The following SETX variants were observed in gnomAD, a reference collection of about 807,000 sequenced individuals.
SETX encodes the protein helicase senataxin.
In SETX, 90 loss-of-function variants were observed where a neutral mutation model predicts 227.2. The ratio of observed to expected loss-of-function variants is 0.40; its 90% CI spans 0.33 to 0.47. The LOEUF is 0.47. SETX is among the 20% of genes least tolerant of loss of function. SETX has a pLI of 0.91. For synonymous variants in SETX, 1,210 were observed against 1,113.2 expected (o/e 1.09, Z -1.73); for missense variants, 3,052 against 3,181.5 (o/e 0.96, Z 0.98).
rs2131444581 is a variant in SETX, at chr9:132,328,360, A to G, written c.3238T>C (p.Cys1080Arg). 1 of 1,614,024 alleles carries G rather than the reference A, an allele frequency of 6.2e-7. No individual in the cohort carries two copies. Among genetic ancestry groups the G allele is most frequent in the South Asian group, 1.1e-5 (1 of 91,080 alleles). ...LFQFEESDSQ[C>R]FEFESSSEVF... ...TCAGATGAACTTTCAAACTCAAAAC[A>G]CTGAGAATCAGATTCCTCAAACTGA... The change falls in exon 10 of 26, where the codon TGT (cysteine) becomes CGT (arginine). Residue 1080 changes from cysteine (C) to arginine (R), a missense_variant. Transcript: ENST00000224140.
chr9:132,264,076 T>C lies in SETX; in HGVS notation c.*163A>G, dbSNP rs1355651352. On this transcript the variant is annotated 3_prime_UTR_variant, in exon 26 of 26. Coordinates refer to ENST00000224140, the MANE Select transcript of SETX (RefSeq NM_015046.7). ...GAAAGCTTTTGCAAATGACAGAAAA[T>C]ACTGAAGATGACCAGAGGCTCAGGT... 1.4e-5 allele frequency: 13 copies of C among 925,786 alleles called. No individual in the cohort carries two copies. Among genetic ancestry groups the C allele is most frequent in the South Asian group, 1.1e-4 (7 of 64,612 alleles). The allele number at this position is 925,786 out of a possible 1,614,324, so 57.3% of individuals were successfully genotyped here.
chr9:132,307,528 A>C (rs1845404150), intron 11 of SETX, among the ~76,000 whole-genome samples: 1 of 152,148 alleles, frequency 6.6e-6, no homozygotes, highest in Admixed American at 6.5e-5. Context: ...AAAACAATAT[A>C]TATGATGAAC....
Position 132,329,689 on chromosome 9 carries a change from A to G in SETX, c.1909T>C (p.Cys637Arg), listed in dbSNP as rs752778541. Residue 637 changes from cysteine to arginine, a missense_variant, in exon 10 of 26, where the codon TGT (cysteine) becomes CGT (arginine). Around this residue, in one of 10 missense-constraint regions of SETX, gnomAD observed 1,483 missense variants for 1,312.0 expected, o/e 1.13. Transcript: ENST00000224140. ...AATGTTGGGCTGGAAGCTTCCAAAC[A>G]ATGCATATCTTTTCTAGACGTCTTC... ...MGKTSRKDMH[C>R]LEASSPTFSK... 1.2e-5 allele frequency: 19 copies of G among 1,613,910 alleles called. No homozygotes were observed. Among genetic ancestry groups the G allele is most frequent in the Non-Finnish European group, 1.5e-5 (18 of 1,179,998 alleles).
Position 132,288,301 on chromosome 9 carries a change from G to T in SETX, c.6259C>A (p.Leu2087Ile), listed in dbSNP as rs1037907335. 3 of 1,614,198 alleles carry T rather than the reference G, an allele frequency of 1.9e-6. No homozygotes were observed. The highest frequency in any genetic ancestry group is 2.5e-6 in the Non-Finnish European group (3 of 1,180,040). ...VQAMHKRKEF[L>I]DYQLDELSRQ... ...GAAAGCTCATCCAGCTGATAATCTA[G>T]AAATTCCTTTCTTTTATGCATCGCC... is the stretch of plus-strand genomic sequence containing the variant. The change falls in exon 17 of 26, where the codon CTA becomes ATA. Residue 2087 changes from leucine to isoleucine, a missense_variant. Transcript: ENST00000224140.
intron 6 of SETX, among the ~76,000 whole-genome samples, chr9:132,335,185 T>C (rs192494603): frequency 7.3e-5 from 11 of 151,650 alleles, no homozygotes; most frequent in Admixed American, 1.3e-4. Flanking sequence ...AGTCAGGAGA[T>C]CGAGACCATC....
intron 9 of SETX, among the ~76,000 whole-genome samples, chr9:132,330,815 C>G (rs941139382): frequency 1.3e-5 from 2 of 152,162 alleles, no homozygotes; most frequent in Non-Finnish European, 2.9e-5. Context: ...TCCCCATAAA[C>G]TTTCCATCTT....
At chr9:132,343,800 T>C (rs952174227) in intron 4 of SETX, among the ~76,000 whole-genome samples, 1 of 152,224 alleles carries the variant, frequency 6.6e-6, no homozygotes, top group Non-Finnish European at 1.5e-5. Flanking sequence ...TACGGATAGA[T>C]TATTCTTTAA....
rs369163575 is a variant in SETX at position 132,266,452 on chromosome 9, TAAGAC to T, written c.7288-1472_7288-1468del. Among the ~76,000 whole-genome samples, 10 of 152,294 alleles carry T rather than the reference TAAGAC, an allele frequency of 6.6e-5. No homozygotes were observed. In the East Asian group the frequency reaches 1.5e-3, roughly 23 times the overall value. ...AAAACCTTCTACAGACATTTTCTGA[TAAGAC>T]AAGATAACACCAGCATTAAAACTTA... On this transcript the variant is annotated intron_variant, in intron 25 of 25. Transcript: ENST00000224140.
rs1211044290 is a variant in SETX at position 132,264,629 on chromosome 9, C to A, written c.7644G>T (p.Glu2548Asp). Residue 2548 changes from glutamate to aspartate, a missense_variant, in exon 26 of 26, where the codon GAG becomes GAT. Around this residue, in one of 10 missense-constraint regions of SETX, gnomAD observed 294 missense variants for 278.8 expected, o/e 1.05. Coordinates refer to ENST00000224140, the MANE Select transcript of SETX (RefSeq NM_015046.7). Reference protein sequence around the residue: ...DPRLLKRMGIEVKGGIFLWDP... With the variant: ...DPRLLKRMGIDVKGGIFLWDP... ...CCCAAAGGAATATTCCTCCTTTGAC[C>A]TCAATGCCCATCCTCTTCAGCAGTC... is the stretch of plus-strand genomic sequence containing the variant. 6 of 1,614,122 alleles carry A rather than the reference C, an allele frequency of 3.7e-6. No individual in the cohort carries two copies.
At position 132,333,392 on chromosome 9, in the gene SETX, AAAAAAG is replaced by A. The variant is rs200100443; in HGVS notation, c.838+1210_838+1215del. 2.3e-3 allele frequency among the ~76,000 whole-genome samples: 118 copies of A among 52,260 alleles called. 4 individuals carry two copies. Among genetic ancestry groups the A allele is most frequent in the African/African-American group, 4.8e-3 (46 of 9,556 alleles). The allele number at this position is 52,260 out of a possible 152,430, so 34.3% of individuals were successfully genotyped here. ...GACTTGGTCTCAAAAAGAAAAAAAA[AAAAAAG>A]AAAAAAAAAAATATATATACACACA... On this transcript the variant is annotated intron_variant, in intron 7 of 25. Transcript: ENST00000224140.
rs200657740 is a variant in SETX, at chr9:132,301,088, C to CT, written c.5375-286dup. ...TTTTCTTTCCTTTAGGTTTATTCTG[C>CT]TTTTTTTTTTTTTTTTTTTTTTGAG... On this transcript the variant is annotated intron_variant, in intron 11 of 25. Coordinates refer to ENST00000224140, the MANE Select transcript of SETX (RefSeq NM_015046.7). Among the ~76,000 whole-genome samples the CT allele has an allele frequency of 0.019, 2,393 of 123,880 alleles. 62 individuals carry two copies. The highest frequency in any genetic ancestry group is 0.03 in the Non-Finnish European group (1,660 of 55,812). The allele number at this position is 123,880 out of a possible 152,430, so 81.3% of individuals were successfully genotyped here. A position where few individuals can be genotyped will look rare whatever the true frequency, so the allele number is the denominator to read the frequency against.
chr9:132,280,778 A>C (rs1402438908), intron 20 of SETX, among the ~76,000 whole-genome samples: 1 of 152,176 alleles, frequency 6.6e-6, no homozygotes, highest in Non-Finnish European at 1.5e-5. Flanking sequence ...GATTACTTCA[A>C]AACATCTACT....
In SETX at chr9:132,326,927, G is replaced by A. The variant is rs1846827030; in HGVS notation, c.4671C>T (p.Thr1557=). The change falls in exon 10 of 26, where the codon ACC becomes ACT. Residue 1557 remains threonine, a synonymous_variant. Transcript: ENST00000224140. The part of the protein sequence containing the change: ...TKCKYKDCLE[T]TKNQGEYCPK... ...GGCAGTATTCACCCTGGTTTTTTGT[G>A]GTTTCAAGACAATCTTTGTACTTAC... 1 of 1,614,096 alleles carries A rather than the reference G, an allele frequency of 6.2e-7. No individual in the cohort carries two copies. The highest frequency in any genetic ancestry group is 8.5e-7 in the Non-Finnish European group (1 of 1,180,012).
chr9:132,338,717 A>C (rs1690225264), intron 5 of SETX, among the ~76,000 whole-genome samples: 1 of 152,140 alleles, frequency 6.6e-6, no homozygotes, highest in African/African-American at 2.4e-5. Context: ...TCAGATCTTC[A>C]TCCATATTTT....
At chr9:132,300,487 ACT>A (rs994223283) in intron 12 of SETX, 141 bp downstream of exon 12, 15 of 814,262 alleles carry the variant, frequency 1.8e-5, no homozygotes, top group African/African-American at 1.4e-4. Context: ...TAGAAAAGAG[ACT>A]CTGAATGGCC....
At chr9:132,354,603 G>C (rs1589801990) in intron 1 of SETX, among the ~76,000 whole-genome samples, 1 of 151,628 alleles carries the variant, frequency 6.6e-6, no homozygotes, top group Non-Finnish European at 1.5e-5. Flanking sequence ...GAGACCTCCC[G>C]CTCAGCCCCA....
chr9:132,322,620 G>C (rs472270), intron 10 of SETX, among the ~76,000 whole-genome samples: 114,089 of 152,078 alleles, frequency 0.75, 44,094 homozygotes, highest in Non-Finnish European at 0.84. Context: ...TTCATCAACT[G>C]ACACACATTT....
chr9:132,317,235 C>A (rs1312925737), intron 10 of SETX, among the ~76,000 whole-genome samples: 2 of 152,152 alleles, frequency 1.3e-5, no homozygotes, highest in African/African-American at 4.8e-5. Flanking sequence ...TAACTGGCTA[C>A]TGCTGCCACA....
intron 10 of SETX, among the ~76,000 whole-genome samples, chr9:132,314,144 G>A (rs1477284032): frequency 6.6e-6 from 1 of 152,086 alleles, no homozygotes; most frequent in Non-Finnish European, 1.5e-5. Flanking sequence ...CCAGGCGGGA[G>A]TGCAATGGTG....
Sources: allele counts gnomAD v4.1 joint callset (sites outside exome capture counted in the v4.1 genomes callset), GRCh38; gene constraint gnomAD v4.1.1; regional missense constraint gnomAD v4.1.1; transcripts MANE v1.5; gene names NCBI Gene and HGNC (gene_info 2026-07-23, HGNC 2026-07-21).